The following DCDC1 variants were observed in gnomAD, a reference collection of about 807,000 sequenced individuals.
The protein encoded by DCDC1 is doublecortin domain-containing protein 1.
In DCDC1, 200 loss-of-function variants were observed where a neutral mutation model predicts 178.3. The ratio of observed to expected loss-of-function variants is 1.12; its 90% CI spans 1.00 to 1.26. DCDC1 has a LOEUF of 1.26. Among genes scored for constraint, DCDC1 ranks in the 50% most tolerant of loss-of-function variants. The pLI is 0.00. For synonymous variants in DCDC1, 690 were observed against 604.8 expected (o/e 1.14, Z -2.07); for missense variants, 1,983 against 1,749.2 (o/e 1.13, Z -2.38).
chr11:31,140,561 CG>C (rs1963697869), intron 9 of DCDC1, among the ~76,000 whole-genome samples: 1 of 152,084 alleles, frequency 6.6e-6, no homozygotes, highest in East Asian at 1.9e-4. Flanking sequence ...GGTTAAAGTT[CG>C]GTTCATTCAA....
intron 17 of DCDC1, among the ~76,000 whole-genome samples, chr11:31,081,662 T>C (rs1392962381): frequency 7.2e-5 from 11 of 152,032 alleles, no homozygotes. Context: ...AAATGCAAAT[T>C]TACTAGCATT....
intron 20 of DCDC1, among the ~76,000 whole-genome samples, chr11:31,003,868 T>C (rs1269600931): frequency 6.6e-6 from 1 of 152,164 alleles, no homozygotes; most frequent in African/African-American, 2.4e-5. Flanking sequence ...GCGTAATCAA[T>C]TAGAAGGCAA....
intron 1 of DCDC1, among the ~76,000 whole-genome samples, chr11:31,343,479 G>T (rs1950654855): frequency 6.6e-6 from 1 of 152,036 alleles, no homozygotes; most frequent in Admixed American, 6.6e-5. Context: ...GCTAATTTTT[G>T]TATTTTTAGT....
intron 9 of DCDC1, among the ~76,000 whole-genome samples, chr11:31,183,811 T>G (rs1044063778): frequency 6.6e-6 from 1 of 152,124 alleles, no homozygotes; most frequent in African/African-American, 2.4e-5. Flanking sequence ...GGAAAAACAT[T>G]CCATGTTCAT....
chr11:31,184,274 T>A (rs1297418997), intron 9 of DCDC1, among the ~76,000 whole-genome samples: 1 of 152,144 alleles, frequency 6.6e-6, no homozygotes, highest in Non-Finnish European at 1.5e-5. Context: ...TTACACCTTA[T>A]ACAAAAATTA....
chr11:31,219,277 T>A (rs578202334), intron 9 of DCDC1, among the ~76,000 whole-genome samples: 1 of 152,316 alleles, frequency 6.6e-6, no homozygotes, highest in Non-Finnish European at 1.5e-5. Context: ...TAAAGTTATG[T>A]CAAAAACAAG....
chr11:31,356,942 T>G (rs1375556221), intron 1 of DCDC1, among the ~76,000 whole-genome samples: 1 of 152,156 alleles, frequency 6.6e-6, no homozygotes, highest in Admixed American at 6.5e-5. Context: ...GTGGCAATAA[T>G]CAATAGCTTA....
rs75950220 is a variant in DCDC1, at chr11:30,905,292, T to G, written c.4105-128A>C. The G allele has an allele frequency of 4.4e-3, 4,267 of 962,864 alleles. 125 individuals are homozygous for G. In the African/African-American group the frequency reaches 0.062, roughly 14 times the overall value. 59.6% of individuals were successfully genotyped at this position (962,864 alleles called of 1,614,324 possible). A position where few individuals can be genotyped will look rare whatever the true frequency, so the allele number is the denominator to read the frequency against. ...ACATTTTGCAATGCTCTCTTCATGT[T>G]TTATAGATATTGAATACTAGAGCCG... On this transcript the variant is annotated intron_variant, in intron 30 of 38. Coordinates refer to ENST00000684477, the MANE Select transcript of DCDC1 (RefSeq NM_001387274.1).
At chr11:30,892,263 G>A (rs1011666193) in intron 36 of DCDC1, among the ~76,000 whole-genome samples, 2 of 152,014 alleles carry the variant, frequency 1.3e-5, no homozygotes, top group Non-Finnish European at 2.9e-5. Context: ...TTTAACTTTG[G>A]GAAGTGAGAA....
chr11:31,333,552 G>A (rs971185951), intron 2 of DCDC1, among the ~76,000 whole-genome samples: 68 of 152,254 alleles, frequency 4.5e-4, no homozygotes, highest in Middle Eastern at 3.4e-3. Flanking sequence ...CTTCCTTCAG[G>A]AGCTCTTGTA....
In DCDC1 at chr11:31,037,755, G is replaced by A. The variant is rs572375068; in HGVS notation, c.2591+26714C>T. Among the ~76,000 whole-genome samples, 325 of 152,100 alleles carry A rather than the reference G, an allele frequency of 2.1e-3. 3 individuals carry two copies. Among genetic ancestry groups the A allele is most frequent in the Non-Finnish European group, 1.3e-3 (85 of 67,970 alleles). ...TGGGATTACAGGCGTGAGCCACTGC[G>A]CCTGGCCTAAATATTTATTTCTCTT... On this transcript the variant is annotated intron_variant, in intron 20 of 38. Transcript: ENST00000684477.
intron 36 of DCDC1, among the ~76,000 whole-genome samples, chr11:30,883,674 G>GT (rs1942901882): frequency 6.6e-6 from 1 of 152,108 alleles, no homozygotes; most frequent in African/African-American, 2.4e-5. Context: ...AATCTATGAA[G>GT]TTATGAAGTT....
chr11:31,229,444 G>A (rs1371734123), intron 9 of DCDC1, among the ~76,000 whole-genome samples: 1 of 152,016 alleles, frequency 6.6e-6, no homozygotes, highest in Admixed American at 6.6e-5. Flanking sequence ...GTTTATCTCA[G>A]AAACATAAGG....
chr11:31,194,255 C>G (rs1279556743), intron 9 of DCDC1, among the ~76,000 whole-genome samples: 1 of 152,080 alleles, frequency 6.6e-6, no homozygotes, highest in African/African-American at 2.4e-5. Flanking sequence ...GCATTACAAA[C>G]ACATGTATAA....
chr11:31,132,907 C>G (rs987647542), intron 10 of DCDC1, among the ~76,000 whole-genome samples: 1 of 152,138 alleles, frequency 6.6e-6, no homozygotes, highest in African/African-American at 2.4e-5. Flanking sequence ...AGAAAACAAA[C>G]CCAAACTTCT....
intron 35 of DCDC1, among the ~76,000 whole-genome samples, chr11:30,893,499 C>G (rs11828620): frequency 0.033 from 5,023 of 152,224 alleles, 287 homozygotes; most frequent in African/African-American, 0.11. Flanking sequence ...GCTTTTTATT[C>G]TACTTCAAGC....
intron 7 of DCDC1, among the ~76,000 whole-genome samples, chr11:31,288,988 T>C (rs1947031439): frequency 6.6e-6 from 1 of 151,976 alleles, no homozygotes; most frequent in South Asian, 2.1e-4. Flanking sequence ...CTAAATCATG[T>C]TCTATCATGA....
intron 9 of DCDC1, among the ~76,000 whole-genome samples, chr11:31,143,777 GAT>G (rs1308699018): frequency 6.6e-6 from 1 of 152,210 alleles, no homozygotes; most frequent in Non-Finnish European, 1.5e-5. Context: ...TTGGGGAAGA[GAT>G]AGAAACCTTT....
intron 27 of DCDC1, among the ~76,000 whole-genome samples, chr11:30,913,621 C>T (rs1023449326): frequency 7.2e-5 from 11 of 152,182 alleles, no homozygotes; most frequent in Non-Finnish European, 1.6e-4. Flanking sequence ...GAGGAGCTCC[C>T]AAGATGACAA....
Sources: gnomAD v4.1 joint callset for allele counts (sites outside exome capture counted in the v4.1 genomes callset) on GRCh38, gnomAD v4.1.1 for gene constraint, MANE v1.5 for transcripts, NCBI Gene and HGNC (gene_info 2026-07-23, HGNC 2026-07-21) for gene names.